CSMD1: variants seen among roughly 807,000 people sequenced by gnomAD.
CSMD1 encodes CUB and sushi domain-containing protein 1.
CSMD1 carries 213 observed loss-of-function variants against 417.5 expected under a neutral mutation model. That is an observed-to-expected ratio of 0.51 (90% CI 0.46 to 0.57). The LOEUF (loss-of-function observed/expected upper bound fraction) is 0.57. Among genes scored for constraint, CSMD1 ranks in the 20% least tolerant of loss-of-function variants. The pLI, the probability that CSMD1 is intolerant of heterozygous loss-of-function variation, is 0.00. For synonymous variants in CSMD1, 2,862 were observed against 1,736.8 expected, an observed-to-expected ratio of 1.65 and a Z score of -16.11; for missense variants, 6,923 against 4,529.7, an observed-to-expected ratio of 1.53 and a Z score of -15.17.
At chr8:4,147,803 C>G (rs530182882) in intron 3 of CSMD1, among the ~76,000 whole-genome samples, 2 of 152,086 alleles carry the variant, frequency 1.3e-5, no homozygotes, top group Non-Finnish European at 2.9e-5. Flanking sequence ...TGTGCCGACT[C>G]CAAAGCCGGG....
At chr8:3,285,722 A>C (rs1005864914) in intron 25 of CSMD1, among the ~76,000 whole-genome samples, 1 of 151,996 alleles carries the variant, frequency 6.6e-6, no homozygotes, top group Admixed American at 6.6e-5. Context: ...AAAACAAAAA[A>C]TCTTATACAT....
At chr8:4,468,936 G>C (rs2130026945) in intron 2 of CSMD1, among the ~76,000 whole-genome samples, 1 of 133,652 alleles carries the variant, frequency 7.5e-6, no homozygotes, top group South Asian at 2.5e-4. Flanking sequence ...AGCTCATTCT[G>C]TTTGACTCCT....
Position 3,284,192 on chromosome 8 carries a change from C to G in CSMD1, c.4105G>C (p.Asp1369His). 5.6e-6 allele frequency: 9 copies of G among 1,601,190 alleles called. No individual in the cohort carries two copies. The highest frequency in any genetic ancestry group is 2.3e-5 in the East Asian group (1 of 44,248). The change falls in exon 26 of 70, where the codon GAC becomes CAC. Residue 1369 changes from aspartate (D) to histidine (H), a missense_variant. Transcript: ENST00000635120. The part of the protein sequence containing the change: ...STFNSLTLQF[D>H]SDFFISKSGF... ...GACTTGCTGATGAAGAAGTCGCTGT[C>G]GAACTGCAGGGTGAGTGAGTTGAAG...
intron 5 of CSMD1, among the ~76,000 whole-genome samples, chr8:3,814,790 A>C (rs967439651): frequency 3.3e-5 from 5 of 152,184 alleles, no homozygotes; most frequent in Non-Finnish European, 7.3e-5. Context: ...TTTTCTATTT[A>C]TTCGTCACGG....
rs374591309 is a variant in CSMD1, at chr8:3,674,569, A to C, written c.1009+33845T>G. On this transcript the variant is annotated intron_variant, in intron 7 of 69. Coordinates refer to ENST00000635120, the MANE Select transcript of CSMD1 (RefSeq NM_033225.6). ...AAATGCTTACTATGTATCATGTACT[A>C]CATTAAGCTACTGCAAAATATATTA... Among the ~76,000 whole-genome samples the C allele has an allele frequency of 5.1e-4, 77 of 150,262 alleles. 2 individuals carry two copies. The South Asian group carries it at 9.7e-3, about 19-fold the overall frequency.
At chr8:3,908,380 A>C (rs1212020033) in intron 5 of CSMD1, among the ~76,000 whole-genome samples, 1 of 152,220 alleles carries the variant, frequency 6.6e-6, no homozygotes, top group Non-Finnish European at 1.5e-5. Flanking sequence ...CATTTTCCCA[A>C]TGGGAATCTG....
At chr8:3,839,434 A>AATATTATATATTATAATATATT (rs1563133165) in intron 5 of CSMD1, among the ~76,000 whole-genome samples, 1 of 102,908 alleles carries the variant, frequency 9.7e-6, no homozygotes, top group Admixed American at 1.5e-4. Flanking sequence ...ATAATAAATT[A>AATATTATATATTATAATATATT]ATATTATATA....
At chr8:4,380,988 G>A (rs1419409305) in intron 3 of CSMD1, among the ~76,000 whole-genome samples, 4 of 152,072 alleles carry the variant, frequency 2.6e-5, no homozygotes, top group Non-Finnish European at 4.4e-5. Flanking sequence ...AAAAGAAAAA[G>A]CGTATCTCAC....
At chr8:4,114,684 G>A (rs143805642) in intron 3 of CSMD1, among the ~76,000 whole-genome samples, 2 of 152,176 alleles carry the variant, frequency 1.3e-5, no homozygotes, top group Admixed American at 1.3e-4. Flanking sequence ...TGTGCTTCAT[G>A]GGAGGAGGTC....
intron 5 of CSMD1, among the ~76,000 whole-genome samples, chr8:3,762,987 G>C (rs946118507): frequency 2.6e-5 from 4 of 152,282 alleles, no homozygotes; most frequent in Admixed American, 6.5e-5. Context: ...ATGACATTTG[G>C]TGTAGTCTTG....
At chr8:3,194,225 A>G (rs17079576) in intron 33 of CSMD1, among the ~76,000 whole-genome samples, 3,545 of 152,270 alleles carry the variant, frequency 0.023, 130 homozygotes, top group African/African-American at 0.08. Context: ...CAACTAAGCC[A>G]TATAATTCAT....
chr8:4,910,845 G>C (rs1805618767), intron 1 of CSMD1, among the ~76,000 whole-genome samples: 1 of 152,118 alleles, frequency 6.6e-6, no homozygotes, highest in Non-Finnish European at 1.5e-5. Context: ...GATATGGTTT[G>C]GCTGTGTCCC....
chr8:3,355,338 C>G (rs542168155), intron 21 of CSMD1, among the ~76,000 whole-genome samples: 1 of 152,134 alleles, frequency 6.6e-6, no homozygotes, highest in Admixed American at 6.5e-5. Context: ...GGAATTATAG[C>G]AAACATTTAT....
chr8:4,623,147 G>A (rs891021984), intron 2 of CSMD1, among the ~76,000 whole-genome samples: 1 of 152,044 alleles, frequency 6.6e-6, no homozygotes, highest in Admixed American at 6.6e-5. Context: ...ATAACTCAAA[G>A]GGAAGACAAA....
intron 2 of CSMD1, among the ~76,000 whole-genome samples, chr8:4,461,870 A>G (rs986447540): frequency 6.6e-6 from 1 of 151,282 alleles, no homozygotes; most frequent in Admixed American, 6.6e-5. Flanking sequence ...CCTCCCGAGT[A>G]GCTCGGACTA....
chr8:4,030,932 T>C (rs114770782), intron 4 of CSMD1, among the ~76,000 whole-genome samples: 1 of 152,196 alleles, frequency 6.6e-6, no homozygotes, highest in Non-Finnish European at 1.5e-5. Context: ...CAAAATGCCA[T>C]CAGTCTTTTT....
chr8:4,343,378 C>G (rs1269569692), intron 3 of CSMD1, among the ~76,000 whole-genome samples: 2 of 151,968 alleles, frequency 1.3e-5, no homozygotes, highest in African/African-American at 2.4e-5. Flanking sequence ...ATTTAATATT[C>G]TCTTGCTAAG....
chr8:3,488,640 A>G (rs1002370806), intron 11 of CSMD1, among the ~76,000 whole-genome samples: 2 of 152,178 alleles, frequency 1.3e-5, no homozygotes, highest in Non-Finnish European at 2.9e-5. Context: ...CTCCTCGCTG[A>G]GTCCTAGCAT....
chr8:4,137,228 T>G (rs571991554), intron 3 of CSMD1, among the ~76,000 whole-genome samples: 2 of 152,232 alleles, frequency 1.3e-5, no homozygotes, highest in Non-Finnish European at 2.9e-5. Context: ...TAATTAATTC[T>G]CCATGATGCC....
Sources: allele counts gnomAD v4.1 joint callset (sites outside exome capture counted in the v4.1 genomes callset), GRCh38; gene constraint gnomAD v4.1.1; transcripts MANE v1.5; gene names NCBI Gene and HGNC (gene_info 2026-07-23, HGNC 2026-07-21).